CEP128: variants seen among roughly 807,000 people sequenced by gnomAD.
The protein encoded by CEP128 is centrosomal protein 128kDa.
In CEP128, 132 loss-of-function variants were observed where a neutral mutation model predicts 156.7. The observed-to-expected ratio is 0.84, with a 90% CI of 0.73 to 0.97. The LOEUF (loss-of-function observed/expected upper bound fraction) is 0.97. CEP128 is among the 50% of genes least tolerant of loss of function. CEP128 has a pLI of 0.00. For missense variants in CEP128, 1,252 were observed against 1,281.9 expected, an observed-to-expected ratio of 0.98 and a Z score of 0.36; for synonymous variants, 469 against 448.9, an observed-to-expected ratio of 1.04 and a Z score of -0.57.
intron 19 of CEP128, among the ~76,000 whole-genome samples, chr14:80,734,777 G>A (rs1898445949): frequency 6.8e-6 from 1 of 147,374 alleles, no homozygotes; most frequent in Non-Finnish European, 1.5e-5. Flanking sequence ...AAACCCAGGA[G>A]GCAGAGGTTG....
At chr14:80,787,512 C>T (rs1371943499) in intron 14 of CEP128, among the ~76,000 whole-genome samples, 1 of 151,986 alleles carries the variant, frequency 6.6e-6, no homozygotes, top group African/African-American at 2.4e-5. Flanking sequence ...TAGGCCCATC[C>T]AGATAATGTG....
intron 19 of CEP128, among the ~76,000 whole-genome samples, chr14:80,599,664 A>G (rs1453663978): frequency 1.3e-5 from 2 of 152,158 alleles, no homozygotes; most frequent in Non-Finnish European, 2.9e-5. Flanking sequence ...TAAAAAAGAA[A>G]GAAAAAAAAA....
intron 19 of CEP128, among the ~76,000 whole-genome samples, chr14:80,726,137 G>A (rs1420522160): frequency 6.6e-6 from 1 of 152,126 alleles, no homozygotes; most frequent in Non-Finnish European, 1.5e-5. Flanking sequence ...CATCTCCTAT[G>A]TCTGATGACC....
chr14:80,659,176 G>A (rs1359217794), intron 19 of CEP128, among the ~76,000 whole-genome samples: 1 of 152,112 alleles, frequency 6.6e-6, no homozygotes, highest in East Asian at 1.9e-4. Context: ...AGATAAAATT[G>A]TAAGGTACAA....
chr14:80,574,320 G>A (rs915567962), intron 20 of CEP128, among the ~76,000 whole-genome samples: 3 of 152,112 alleles, frequency 2.0e-5, no homozygotes, highest in South Asian at 2.1e-4. Context: ...AAATGGACTC[G>A]TGGCTGCCCC....
At chr14:80,924,915 A>G (rs1178423858) in intron 2 of CEP128, among the ~76,000 whole-genome samples, 2 of 152,178 alleles carry the variant, frequency 1.3e-5, no homozygotes, top group Non-Finnish European at 2.9e-5. Flanking sequence ...AGCACCTAAG[A>G]CAATGGCAGT....
At chr14:80,819,018 T>G (rs1885017537) in intron 13 of CEP128, among the ~76,000 whole-genome samples, 1 of 152,174 alleles carries the variant, frequency 6.6e-6, no homozygotes, top group Admixed American at 6.5e-5. Flanking sequence ...TCACTATGAT[T>G]ATGCCTGTAG....
chr14:80,866,855 G>A lies in CEP128; in HGVS notation c.646-3982C>T, dbSNP rs1234961653. Among the ~76,000 whole-genome samples, 5 of 152,138 alleles carry A rather than the reference G, an allele frequency of 3.3e-5. No homozygotes were observed. In the South Asian group the frequency reaches 1.0e-3, roughly 32 times the overall value. ...CTTAAATAAGTTCAGTGAGCTACAA[G>A]AGAATACAGTAGTCCCATTTTACTC... On this transcript the variant is annotated intron_variant, in intron 8 of 24. Transcript: ENST00000555265.
At chr14:80,694,933 A>AT in intron 19 of CEP128, among the ~76,000 whole-genome samples, 1 of 151,698 alleles carries the variant, frequency 6.6e-6, no homozygotes, top group Middle Eastern at 3.4e-3. Context: ...AAAAAAAAAA[A>AT]CTTGTTTTCC....
intron 19 of CEP128, among the ~76,000 whole-genome samples, chr14:80,674,680 T>C (rs1490775046): frequency 4.6e-5 from 7 of 151,744 alleles, no homozygotes; most frequent in Non-Finnish European, 1.0e-4. Flanking sequence ...ACAGTACATG[T>C]GTTAATGAAA....
rs554698281 is a variant in CEP128 at position 80,893,855 on chromosome 14, A to T, written c.645+1863T>A. On this transcript the variant is annotated intron_variant, in intron 8 of 24. Coordinates refer to ENST00000555265, the MANE Select transcript of CEP128 (RefSeq NM_152446.5). Reference sequence around the variant, plus strand: ...TAAACTAGGGGATTAAAGAGTCCAGAAACAGATGTTTGTGTATATGAACAT... The same window carrying T: ...TAAACTAGGGGATTAAAGAGTCCAGTAACAGATGTTTGTGTATATGAACAT... Among the ~76,000 whole-genome samples, 6 of 152,130 alleles carry T rather than the reference A, an allele frequency of 3.9e-5. No individual in the cohort carries two copies. The East Asian group carries it at 1.2e-3, about 29-fold the overall frequency.
chr14:80,913,551 T>TA (rs1385855158), intron 4 of CEP128, among the ~76,000 whole-genome samples: 2 of 152,316 alleles, frequency 1.3e-5, no homozygotes, highest in East Asian at 3.9e-4. Flanking sequence ...GCCATTATCC[T>TA]AAGTGAAGTA....
intron 2 of CEP128, among the ~76,000 whole-genome samples, chr14:80,935,404 A>G (rs1362262499): frequency 6.6e-6 from 1 of 151,730 alleles, no homozygotes; most frequent in African/African-American, 2.4e-5. Context: ...TACAATAATT[A>G]GCTGGGTGTG....
At chr14:80,796,392 G>A (rs1248325877) in intron 13 of CEP128, among the ~76,000 whole-genome samples, 1 of 151,932 alleles carries the variant, frequency 6.6e-6, no homozygotes, top group African/African-American at 2.4e-5. Flanking sequence ...CCCAGGAGGT[G>A]GAGTTTGCAG....
chr14:80,490,314 T>C (rs1887281958), downstream of CEP128, among the ~76,000 whole-genome samples: 1 of 152,026 alleles, frequency 6.6e-6, no homozygotes, highest in Non-Finnish European at 1.5e-5. Flanking sequence ...AATGTCAAAA[T>C]ATGGAAATGT....
intron 16 of CEP128, among the ~76,000 whole-genome samples, chr14:80,768,257 T>C (rs1359774100): frequency 6.6e-6 from 1 of 152,174 alleles, no homozygotes; most frequent in Admixed American, 6.5e-5. Context: ...GGCGAGGCTA[T>C]TGTAACTATC....
chr14:80,912,851 G>C (rs1407386415), intron 4 of CEP128, among the ~76,000 whole-genome samples: 2 of 151,996 alleles, frequency 1.3e-5, no homozygotes, highest in Non-Finnish European at 2.9e-5. Flanking sequence ...GTATAAAACA[G>C]TCATTATTCC....
chr14:80,617,530 C>T (rs1320238165), intron 19 of CEP128, among the ~76,000 whole-genome samples: 5 of 152,020 alleles, frequency 3.3e-5, no homozygotes, highest in South Asian at 2.1e-4. Context: ...CCACCGCGCC[C>T]GGCCGTGAAT....
chr14:80,631,018 T>A (rs2140726063), intron 19 of CEP128, among the ~76,000 whole-genome samples: 2 of 152,118 alleles, frequency 1.3e-5, no homozygotes, highest in South Asian at 4.1e-4. Flanking sequence ...ATTAAGAAAC[T>A]AAAAAATACT....
Sources: gnomAD v4.1 joint callset for allele counts (sites outside exome capture counted in the v4.1 genomes callset) on GRCh38, gnomAD v4.1.1 for gene constraint, MANE v1.5 for transcripts, NCBI Gene and HGNC (gene_info 2026-07-23, HGNC 2026-07-21) for gene names.